Variants in XRCC4 observed in about 807,000 individuals in gnomAD.
XRCC4 encodes DNA repair protein XRCC4.
Under a neutral mutation model 39.1 loss-of-function variants are expected in XRCC4, and 28 were observed. That is an observed-to-expected ratio of 0.72 (90% CI 0.53 to 0.98). The LOEUF is 0.98. Ranked by LOEUF, XRCC4 falls within the 50% of genes least tolerant of loss-of-function variation. The pLI is 0.00. For synonymous variants in XRCC4, 123 were observed against 126.4 expected (o/e 0.97, Z 0.18); for missense variants, 350 against 376.4 (o/e 0.93, Z 0.58).
chr5:83,112,755 C>G (rs562960899), intron 3 of XRCC4, among the ~76,000 whole-genome samples: 1 of 145,222 alleles, frequency 6.9e-6, no homozygotes, highest in Admixed American at 6.7e-5. Flanking sequence ...GGGGAACTCC[C>G]CTTTATAAAA....
intron 2 of XRCC4, among the ~76,000 whole-genome samples, chr5:83,105,263 C>T (rs890586102): frequency 1.3e-4 from 20 of 152,052 alleles, no homozygotes; most frequent in African/African-American, 3.1e-4. Context: ...TAGAAAATTC[C>T]GGTTACCATT....
chr5:83,233,902 C>CAAAAAAAAAAAAAAAAAA (rs10629125), intron 6 of XRCC4, among the ~76,000 whole-genome samples: 1 of 78,026 alleles, frequency 1.3e-5, no homozygotes, highest in Non-Finnish European at 2.7e-5. Context: ...GACTTCATCT[C>CAAAAAAAAAAAAAAAAAA]AAAAAAAAAA....
chr5:83,243,813 TGGA>T (rs937693919), intron 6 of XRCC4, among the ~76,000 whole-genome samples: 2 of 152,070 alleles, frequency 1.3e-5, no homozygotes, highest in African/African-American at 4.8e-5. Flanking sequence ...TTTAATGTTG[TGGA>T]GAAGGGAAGG....
chr5:83,368,335 T>G, the XRCC4 span, among the ~76,000 whole-genome samples: 7 of 152,062 alleles, frequency 4.6e-5, no homozygotes, highest in African/African-American at 1.7e-4. Flanking sequence ...GAAATGGCAA[T>G]GAGCACAGGG....
intron 7 of XRCC4, among the ~76,000 whole-genome samples, chr5:83,278,484 AG>A (rs1754413385): frequency 6.6e-6 from 1 of 152,188 alleles, no homozygotes; most frequent in Non-Finnish European, 1.5e-5. Flanking sequence ...TCCAAGATCA[AG>A]GTTCTGGCAT....
At chr5:83,210,470 G>T (rs532422143) in intron 6 of XRCC4, among the ~76,000 whole-genome samples, 1 of 152,134 alleles carries the variant, frequency 6.6e-6, no homozygotes, top group East Asian at 1.9e-4. Flanking sequence ...TGTTTTTCCA[G>T]TGAGGGAACA....
chr5:83,166,631 T>A (rs900714669), intron 3 of XRCC4, among the ~76,000 whole-genome samples: 6 of 116,584 alleles, frequency 5.1e-5, no homozygotes, highest in South Asian at 2.8e-4. Context: ...GCCTAGCTAA[T>A]TTTTTTTTTT....
At chr5:83,163,814 C>G (rs1749333211) in intron 3 of XRCC4, among the ~76,000 whole-genome samples, 1 of 152,108 alleles carries the variant, frequency 6.6e-6, no homozygotes, top group Non-Finnish European at 1.5e-5. Flanking sequence ...GAGAAATGGT[C>G]ATCAAGTAAG....
At chr5:83,370,981 T>C in the XRCC4 span, among the ~76,000 whole-genome samples, 4 of 152,168 alleles carry the variant, frequency 2.6e-5, no homozygotes, top group African/African-American at 4.8e-5. Context: ...CCAGTCTTCA[T>C]AAATTATCTT....
intron 6 of XRCC4, among the ~76,000 whole-genome samples, chr5:83,214,861 A>G: frequency 6.6e-6 from 1 of 150,778 alleles, no homozygotes; most frequent in Admixed American, 6.6e-5. Flanking sequence ...ATAATAATAA[A>G]AATACAGAAT....
At chr5:83,238,095 C>T (rs1028198261) in intron 6 of XRCC4, among the ~76,000 whole-genome samples, 3 of 152,118 alleles carry the variant, frequency 2.0e-5, no homozygotes, top group African/African-American at 7.2e-5. Context: ...ACCTAAACCT[C>T]CCTGCTACAA....
At chr5:83,170,038 C>T (rs879769698) in intron 3 of XRCC4, among the ~76,000 whole-genome samples, 2 of 151,918 alleles carry the variant, frequency 1.3e-5, no homozygotes, top group Non-Finnish European at 2.9e-5. Context: ...GCCATTTTTT[C>T]TATAGAATAG....
chr5:83,130,430 T>G (rs545970132), intron 3 of XRCC4, among the ~76,000 whole-genome samples: 3 of 151,294 alleles, frequency 2.0e-5, no homozygotes, highest in South Asian at 2.1e-4. Context: ...TAAAATTGTC[T>G]TTTTTTGGTT....
intron 7 of XRCC4, among the ~76,000 whole-genome samples, chr5:83,347,799 A>G (rs190414210): frequency 6.6e-6 from 1 of 152,316 alleles, no homozygotes; most frequent in Non-Finnish European, 1.5e-5. Flanking sequence ...GTCTCATGTG[A>G]GACAAGGCAA....
intron 2 of XRCC4, among the ~76,000 whole-genome samples, chr5:83,108,505 T>C (rs1228325515): frequency 6.6e-6 from 1 of 151,946 alleles, no homozygotes; most frequent in Non-Finnish European, 1.5e-5. Context: ...GACAGATATC[T>C]AAAATGTTGT....
intron 7 of XRCC4, among the ~76,000 whole-genome samples, chr5:83,318,054 G>A (rs1279732765): frequency 4.3e-5 from 6 of 139,118 alleles, no homozygotes; most frequent in African/African-American, 1.3e-4. Flanking sequence ...TTCAGTATAC[G>A]CAAATCAATA....
intron 3 of XRCC4, among the ~76,000 whole-genome samples, chr5:83,162,786 T>A (rs1326401924): frequency 6.6e-6 from 1 of 152,190 alleles, no homozygotes; most frequent in African/African-American, 2.4e-5. Flanking sequence ...ACTTTCATCT[T>A]GTCCCTAGTG....
intron 3 of XRCC4, among the ~76,000 whole-genome samples, chr5:83,121,606 AT>A (rs1303076072): frequency 6.6e-6 from 1 of 152,046 alleles, no homozygotes; most frequent in Admixed American, 6.6e-5. Context: ...TGGGTTGCTT[AT>A]TTTCTTACTG....
At chr5:83,148,887 T>A (rs1013837362) in intron 3 of XRCC4, among the ~76,000 whole-genome samples, 13 of 152,178 alleles carry the variant, frequency 8.5e-5, no homozygotes, top group African/African-American at 2.9e-4. Context: ...AGTAAAGAGA[T>A]TGTATCAAAT....
Sources: allele counts gnomAD v4.1 joint callset (sites outside exome capture counted in the v4.1 genomes callset), GRCh38; gene constraint gnomAD v4.1.1; transcripts MANE v1.5; gene names NCBI Gene and HGNC (gene_info 2026-07-23, HGNC 2026-07-21).